Variants in EIF3K observed in about 807,000 individuals in gnomAD.
EIF3K encodes the protein eIF-3 p28.
Under a neutral mutation model 34.2 loss-of-function variants are expected in EIF3K, and 27 were observed. The observed-to-expected ratio is 0.79, with a 90% CI of 0.58 to 1.09. The LOEUF is 1.09. Ranked by LOEUF, EIF3K falls within the 50% of genes least tolerant of loss-of-function variation. The pLI is 0.00. For missense variants in EIF3K, 232 were observed against 275.4 expected (o/e 0.84, Z 1.11); for synonymous variants, 105 against 105.7 (o/e 0.99, Z 0.04).
chr19:38,630,339 A>ATTT (rs1489845622), intron 4 of EIF3K, among the ~76,000 whole-genome samples: 20 of 136,652 alleles, frequency 1.5e-4, no homozygotes, highest in Admixed American at 2.2e-4. Context: ...TTATTTATTT[A>ATTT]TTTATTTATT....
intron 2 of EIF3K, among the ~76,000 whole-genome samples, chr19:38,621,138 GTGAGCCA>G (rs1555814737): frequency 1.3e-5 from 2 of 151,458 alleles, no homozygotes; most frequent in Non-Finnish European, 2.9e-5. Context: ...TTAAGGTGCA[GTGAGCCA>G]TGATAGTGCC....
intron 4 of EIF3K, chr19:38,632,211 T>C (rs1976084229): frequency 1.9e-6 from 1 of 514,070 alleles, no homozygotes; most frequent in Non-Finnish European, 3.5e-6. Flanking sequence ...AGCCCAGGAG[T>C]TTGAGATCAG....
rs779676297 is a variant in EIF3K at position 38,624,152 on chromosome 19, G to T, written c.234G>T (p.Pro78=). The change falls in exon 3 of 8, where the codon CCG becomes CCT. Residue 78 remains proline, a synonymous_variant. Transcript: ENST00000248342. ...QILLKALTNL[P]HTDFTLCKCM... ...TGCTGAAGGCCCTCACCAACTTGCC[G>T]CACACAGACTTCACCCTGTGCAAGT... 6.2e-7 allele frequency: 1 copy of T among 1,614,030 alleles called. No individual in the cohort carries two copies.
At chr19:38,626,475 G>A in intron 4 of EIF3K, 1 of 222,868 alleles carries the variant, frequency 4.5e-6, no homozygotes, top group Non-Finnish European at 8.9e-6. Flanking sequence ...GCAACATAGT[G>A]AAACTTCATC....
Position 38,624,173 on chromosome 19 carries a change from C to CAAGT in EIF3K, c.256_259dup (p.Cys87Ter). The stretch of plus-strand genomic sequence containing the variant: ...TGCCGCACACAGACTTCACCCTGTG[C>CAAGT]AAGTGCATGATCGACCAGGCACATG... On this transcript the variant is annotated frameshift_variant, in exon 3 of 8. Transcript: ENST00000248342. LOFTEE classifies it high-confidence loss of function. The CAAGT allele has an allele frequency of 6.2e-7, 1 of 1,614,206 alleles. No individual in the cohort carries two copies. The highest frequency in any genetic ancestry group is 8.5e-7 in the Non-Finnish European group (1 of 1,180,032).
chr19:38,625,684 A>G (rs1975935533), intron 3 of EIF3K, among the ~76,000 whole-genome samples: 1 of 148,706 alleles, frequency 6.7e-6, no homozygotes, highest in African/African-American at 2.5e-5. Flanking sequence ...TGCTTTTCGT[A>G]TGTTTAGTAG....
intron 1 of EIF3K, 64 bp from the exon 2 acceptor site, chr19:38,620,273 T>C: frequency 1.4e-6 from 2 of 1,421,498 alleles, no homozygotes; most frequent in Non-Finnish European, 2.0e-6. Flanking sequence ...GGCCCCTTGC[T>C]CCATAAGGTG....
chr19:38,625,499 G>GT (rs756374082), intron 3 of EIF3K, among the ~76,000 whole-genome samples: 67 of 146,468 alleles, frequency 4.6e-4, no homozygotes, highest in African/African-American at 1.7e-3. Context: ...TAATAGTAGG[G>GT]TTTTTTTGTT....
chr19:38,626,976 T>C (rs575224907), intron 4 of EIF3K, among the ~76,000 whole-genome samples: 3 of 152,210 alleles, frequency 2.0e-5, no homozygotes, highest in South Asian at 4.2e-4. Context: ...AAATTTTATA[T>C]GTATTTTTTA....
intron 2 of EIF3K, among the ~76,000 whole-genome samples, chr19:38,621,319 A>G (rs910196302): frequency 2.6e-5 from 4 of 152,098 alleles, no homozygotes; most frequent in Middle Eastern, 3.4e-3. Context: ...AGGCTGAGGC[A>G]GGAGAATTTT....
At chr19:38,632,519 G>T (rs762483203) in intron 5 of EIF3K, 23 bp downstream of exon 5, 2 of 1,613,826 alleles carry the variant, frequency 1.2e-6, no homozygotes, top group Non-Finnish European at 1.7e-6. Context: ...CTGAGGCTGG[G>T]CTCCCCAAGG....
At position 38,636,752 on chromosome 19, in the gene EIF3K, A is replaced by T. The variant is rs541439532; in HGVS notation, c.626-137A>T. 41 of 994,468 alleles carry T rather than the reference A, an allele frequency of 4.1e-5. No homozygotes were observed. The African/African-American group carries it at 5.3e-4, about 13-fold the overall frequency. 61.6% of individuals were successfully genotyped at this position (994,468 alleles called of 1,614,324 possible). On this transcript the variant is annotated intron_variant, in intron 7 of 7. Transcript: ENST00000248342. Reference sequence around the variant, plus strand: ...TCCATCTTTTTAAAATACTGCACCAAACTGCCTTTGTGATGGTAACTGGGG... The same window carrying T: ...TCCATCTTTTTAAAATACTGCACCATACTGCCTTTGTGATGGTAACTGGGG...
chr19:38,632,105 C>T lies in EIF3K; in HGVS notation c.355-325C>T, dbSNP rs555255277. 8 of 289,906 alleles carry T rather than the reference C, an allele frequency of 2.8e-5. No individual in the cohort carries two copies. The East Asian group carries it at 5.9e-4, about 21-fold the overall frequency. 18.0% of individuals were successfully genotyped at this position (289,906 alleles called of 1,614,324 possible). ...TTTCCCCACACATTACTGATAAGAA[C>T]GTTGTTGATAGGTAAGATTACCAGT... On this transcript the variant is annotated intron_variant, in intron 4 of 7. Coordinates refer to ENST00000248342, the MANE Select transcript of EIF3K (RefSeq NM_013234.4).
intron 7 of EIF3K, 114 bp from the exon 8 acceptor site, chr19:38,636,775 G>C: frequency 8.1e-7 from 1 of 1,227,118 alleles, no homozygotes; most frequent in Non-Finnish European, 1.2e-6. Flanking sequence ...ATGGTAACTG[G>C]GGCCTGGAAG....
chr19:38,627,106 C>T (rs1975966119), intron 4 of EIF3K, among the ~76,000 whole-genome samples: 1 of 152,152 alleles, frequency 6.6e-6, no homozygotes, highest in African/African-American at 2.4e-5. Flanking sequence ...CGTGCCTCAG[C>T]CTCCTAAGTG....
chr19:38,625,358 G>A (rs890381885), intron 3 of EIF3K, among the ~76,000 whole-genome samples: 5 of 151,816 alleles, frequency 3.3e-5, no homozygotes, highest in African/African-American at 9.7e-5. Context: ...TAGAGACGGG[G>A]TTTTGCTATG....
chr19:38,632,439 G>A lies in EIF3K; in HGVS notation c.364G>A (p.Asp122Asn), dbSNP rs779118327. ...CHFQAFWQAL[D>N]ENMDLLEGIT... ...TCAATTCCCATCACAGCAAGCCCTGGATGAAAACATGGACCTCTTGGAAGG... is the reference window on the plus strand; with the variant it reads ...TCAATTCCCATCACAGCAAGCCCTGAATGAAAACATGGACCTCTTGGAAGG... Residue 122 changes from aspartate (D) to asparagine (N), a missense_variant, in exon 5 of 8, where the codon GAT (aspartate) becomes AAT (asparagine). Coordinates refer to ENST00000248342, the MANE Select transcript of EIF3K (RefSeq NM_013234.4). 19 of 1,613,972 alleles carry A rather than the reference G, an allele frequency of 1.2e-5. No homozygotes were observed. In the South Asian group the frequency reaches 2.0e-4, roughly 17 times the overall value.
chr19:38,624,537 AG>A (rs1831368802), intron 3 of EIF3K, among the ~76,000 whole-genome samples: 2 of 152,322 alleles, frequency 1.3e-5, no homozygotes, highest in South Asian at 4.1e-4. Flanking sequence ...CAGGAGTTCG[AG>A]ACCAGCCTGG....
At chr19:38,631,567 T>TA in intron 4 of EIF3K, among the ~76,000 whole-genome samples, 1 of 152,340 alleles carries the variant, frequency 6.6e-6, no homozygotes, top group East Asian at 1.9e-4. Context: ...AATCGGGTTT[T>TA]ACACGAGACA....
Sources: gnomAD v4.1 joint callset for allele counts (sites outside exome capture counted in the v4.1 genomes callset) on GRCh38, gnomAD v4.1.1 for gene constraint, MANE v1.5 for transcripts, NCBI Gene and HGNC (gene_info 2026-07-23, HGNC 2026-07-21) for gene names.